CDH13: variants seen among roughly 807,000 people sequenced by gnomAD.
CDH13 encodes cadherin-13.
Under a neutral mutation model 63.8 loss-of-function variants are expected in CDH13, and 24 were observed. The ratio of observed to expected loss-of-function variants is 0.38; its 90% CI spans 0.27 to 0.53. The LOEUF is 0.53. Among genes scored for constraint, CDH13 ranks in the 20% least tolerant of loss-of-function variants. CDH13 has a pLI of 0.85. For synonymous variants in CDH13, 503 were observed against 355.3 expected (o/e 1.42, Z -4.67); for missense variants, 1,049 against 903.1 (o/e 1.16, Z -2.07).
chr16:83,254,231 C>T lies in CDH13; in HGVS notation c.636+36734C>T, dbSNP rs191103695. 3.5e-3 allele frequency among the ~76,000 whole-genome samples: 530 copies of T among 152,266 alleles called. 4 individuals carry two copies. Among genetic ancestry groups the T allele is most frequent in the Non-Finnish European group, 2.9e-3 (195 of 68,020 alleles). On this transcript the variant is annotated intron_variant, in intron 5 of 13. Transcript: ENST00000567109. The stretch of plus-strand genomic sequence containing the variant: ...CCCACCTGGGGATTGGGAACCACAG[C>T]GAAGTCACGGAGCTGCTGTATGGTG...
chr16:83,432,012 A>G (rs1358735894), intron 6 of CDH13, among the ~76,000 whole-genome samples: 1 of 152,144 alleles, frequency 6.6e-6, no homozygotes, highest in African/African-American at 2.4e-5. Flanking sequence ...TGAGGGATAG[A>G]CTGGAGAAGG....
chr16:83,111,468 A>T (rs2035055413), intron 3 of CDH13, among the ~76,000 whole-genome samples: 1 of 152,210 alleles, frequency 6.6e-6, no homozygotes, highest in Admixed American at 6.5e-5. Flanking sequence ...CCTGAGTGAA[A>T]GCATGATGTG....
At chr16:83,708,370 C>A (rs1907465235) in intron 10 of CDH13, among the ~76,000 whole-genome samples, 1 of 152,218 alleles carries the variant, frequency 6.6e-6, no homozygotes, top group African/African-American at 2.4e-5. Flanking sequence ...GAGGAGGTAG[C>A]ATGGTGGTTC....
rs761141681 is a variant in CDH13, at chr16:83,171,546, C to T, written c.484-45799C>T. The stretch of plus-strand genomic sequence containing the variant: ...GATGAAGATTTGGCAAGTTCTGTGC[C>T]TAGCACGATGGCTGACATGAGATAA... On this transcript the variant is annotated intron_variant, in intron 4 of 13. Coordinates refer to ENST00000567109, the MANE Select transcript of CDH13 (RefSeq NM_001257.5). The T allele has an allele frequency of 2.6e-6, 4 of 1,534,484 alleles. 1 individual carries two copies. In the South Asian group the frequency reaches 4.8e-5, roughly 18 times the overall value.
At chr16:82,864,979 A>G (rs1597839254) in intron 2 of CDH13, among the ~76,000 whole-genome samples, 2 of 152,320 alleles carry the variant, frequency 1.3e-5, no homozygotes, top group East Asian at 3.9e-4. Context: ...AAGGGTCTAC[A>G]GGCCCCACGC....
intron 5 of CDH13, among the ~76,000 whole-genome samples, chr16:83,331,506 A>AT (rs2090479533): frequency 5.9e-5 from 9 of 152,170 alleles, no homozygotes; most frequent in Non-Finnish European, 8.8e-5. Flanking sequence ...TTTGTAATAA[A>AT]CTCTAGTCAG....
chr16:83,656,361 C>G (rs1912867053), intron 8 of CDH13, among the ~76,000 whole-genome samples: 1 of 152,044 alleles, frequency 6.6e-6, no homozygotes, highest in African/African-American at 2.4e-5. Flanking sequence ...GTGGAAAGGC[C>G]TCTGTTTCGA....
At chr16:83,328,451 C>A (rs1358857710) in intron 5 of CDH13, among the ~76,000 whole-genome samples, 2 of 152,106 alleles carry the variant, frequency 1.3e-5, no homozygotes, top group African/African-American at 4.8e-5. Flanking sequence ...ACAGTGAGAA[C>A]TTAGAAGACA....
intron 1 of CDH13, among the ~76,000 whole-genome samples, chr16:82,633,940 G>A (rs1908339237): frequency 6.6e-6 from 1 of 152,162 alleles, no homozygotes; most frequent in African/African-American, 2.4e-5. Context: ...ATACACATAT[G>A]AAAAAAAGTG....
intron 1 of CDH13, chr16:82,824,883 A>C (rs2038170282): frequency 6.6e-6 from 1 of 152,266 alleles, no homozygotes; most frequent in African/African-American, 2.4e-5. Context: ...AGAAATTCTC[A>C]TTAGTATTTG....
At chr16:82,970,047 C>CATCTACAT (rs1382554208) in intron 2 of CDH13, among the ~76,000 whole-genome samples, 9 of 152,004 alleles carry the variant, frequency 5.9e-5, no homozygotes, top group Non-Finnish European at 7.4e-5. Context: ...GTCAATCCGT[C>CATCTACAT]ATCTACATTA....
intron 2 of CDH13, among the ~76,000 whole-genome samples, chr16:82,913,587 A>G (rs2041900351): frequency 6.6e-6 from 1 of 152,186 alleles, no homozygotes; most frequent in Admixed American, 6.5e-5. Context: ...AAACAGCCTA[A>G]GGTGGCTATA....
chr16:83,627,023 C>T (rs1381892184), intron 8 of CDH13, among the ~76,000 whole-genome samples: 1 of 151,998 alleles, frequency 6.6e-6, no homozygotes, highest in East Asian at 1.9e-4. Context: ...TGGCTCATGC[C>T]TGTAATCATA....
chr16:82,860,823 G>T (rs920658732), intron 2 of CDH13, among the ~76,000 whole-genome samples: 3 of 152,174 alleles, frequency 2.0e-5, no homozygotes, highest in Middle Eastern at 3.2e-3. Context: ...ATTTCTAGAA[G>T]TAGTAGCAGT....
intron 5 of CDH13, among the ~76,000 whole-genome samples, chr16:83,330,704 A>T (rs2090462650): frequency 6.6e-6 from 1 of 152,136 alleles, no homozygotes; most frequent in South Asian, 2.1e-4. Flanking sequence ...CCTTCCTCAG[A>T]TTGCACTGGT....
intron 1 of CDH13, among the ~76,000 whole-genome samples, chr16:82,695,445 C>A (rs936969460): frequency 6.6e-6 from 1 of 152,192 alleles, no homozygotes; most frequent in African/African-American, 2.4e-5. Context: ...GTTCCTATAT[C>A]TCTACCATTC....
chr16:83,658,894 G>A (rs1351468660), intron 8 of CDH13, among the ~76,000 whole-genome samples: 51 of 66,852 alleles, frequency 7.6e-4, no homozygotes, highest in East Asian at 9.9e-4. Flanking sequence ...ACCAGGTCCC[G>A]TATCCTCACC....
chr16:83,694,862 A>C (rs1419975575), intron 10 of CDH13, among the ~76,000 whole-genome samples: 1 of 152,036 alleles, frequency 6.6e-6, no homozygotes, highest in Non-Finnish European at 1.5e-5. Context: ...ATACCGAAAA[A>C]CTCAATCATC....
chr16:83,181,613 A>G (rs2038350334), intron 4 of CDH13, among the ~76,000 whole-genome samples: 1 of 152,198 alleles, frequency 6.6e-6, no homozygotes, highest in South Asian at 2.1e-4. Context: ...AGAGAAACTC[A>G]GGAAGGTTGA....
Sources: allele counts gnomAD v4.1 joint callset (sites outside exome capture counted in the v4.1 genomes callset), GRCh38; gene constraint gnomAD v4.1.1; transcripts MANE v1.5; gene names NCBI Gene and HGNC (gene_info 2026-07-23, HGNC 2026-07-21).